The following TRHDE variants were observed in gnomAD, a reference collection of about 807,000 sequenced individuals.
The protein encoded by TRHDE is thyrotropin releasing hormone degrading enzyme.
TRHDE carries 72 observed loss-of-function variants against 125.7 expected under a neutral mutation model. That is an observed-to-expected ratio of 0.57 (90% confidence interval 0.47 to 0.70). TRHDE has a LOEUF of 0.70. Among genes scored for constraint, TRHDE ranks in the 30% least tolerant of loss-of-function variants. The pLI is 0.00. For synonymous variants in TRHDE, 509 were observed against 509.1 expected (o/e 1.00, Z 0.00); for missense variants, 1,110 against 1,327.1 (o/e 0.84, Z 2.54).
intron 15 of TRHDE, among the ~76,000 whole-genome samples, chr12:72,648,662 A>G (rs1874379269): frequency 6.6e-6 from 1 of 152,036 alleles, no homozygotes; most frequent in Admixed American, 6.6e-5. Context: ...AAATAATAAA[A>G]TAGGCTGGGC....
At chr12:72,534,591 A>T (rs534830357) in intron 6 of TRHDE, among the ~76,000 whole-genome samples, 1 of 151,948 alleles carries the variant, frequency 6.6e-6, no homozygotes, top group African/African-American at 2.4e-5. Context: ...GATGATATTG[A>T]TGATGATGAA....
Position 72,186,073 on chromosome 12 carries a change from G to A in TRHDE, n.279+80321G>A, listed in dbSNP as rs184794964. 2.1e-3 allele frequency: 314 copies of A among 152,438 alleles called. 1 individual carries two copies. Among genetic ancestry groups the A allele is most frequent in the Admixed American group, 8.1e-3 (124 of 15,306 alleles). 9.4% of individuals were successfully genotyped at this position (152,438 alleles called of 1,614,324 possible). A position where few individuals can be genotyped will look rare whatever the true frequency, so the allele number is the denominator to read the frequency against. Reference sequence around the variant, plus strand: ...GATAAGAGAATAAAAGTAGGCTGCCGGAGCCAGCATTGACAACCAGTTGGG... The same window carrying A: ...GATAAGAGAATAAAAGTAGGCTGCCAGAGCCAGCATTGACAACCAGTTGGG... On this transcript the variant is annotated intron_variant and non_coding_transcript_variant, in intron 2 of 4. Coordinates refer to the TRHDE transcript ENST00000548156.
chr12:72,467,410 T>C (rs1876431922), intron 3 of TRHDE, among the ~76,000 whole-genome samples: 1 of 152,220 alleles, frequency 6.6e-6, no homozygotes. Context: ...CTTCAACTAT[T>C]TGCTCATATT....
intron 15 of TRHDE, among the ~76,000 whole-genome samples, chr12:72,650,407 T>C (rs1162945880): frequency 6.6e-6 from 1 of 152,160 alleles, no homozygotes; most frequent in Non-Finnish European, 1.5e-5. Context: ...GGCACCAGTA[T>C]AGTATGTGGC....
At chr12:72,348,361 C>T (rs1355383891) in intron 2 of TRHDE, among the ~76,000 whole-genome samples, 4 of 151,980 alleles carry the variant, frequency 2.6e-5, no homozygotes, top group Non-Finnish European at 5.9e-5. Context: ...ATCTCTTCTG[C>T]ATCACCCTGG....
At chr12:72,551,156 GA>G (rs1034093876) in intron 7 of TRHDE, among the ~76,000 whole-genome samples, 23 of 151,922 alleles carry the variant, frequency 1.5e-4, no homozygotes, top group African/African-American at 5.3e-4. Flanking sequence ...TTATTGTTAT[GA>G]AAAAATACGT....
intron 3 of TRHDE, among the ~76,000 whole-genome samples, chr12:72,399,196 T>A (rs866879306): frequency 6.6e-6 from 1 of 152,180 alleles, no homozygotes; most frequent in Non-Finnish European, 1.5e-5. Context: ...TGTGGAAAAA[T>A]TATCTTCCAC....
At chr12:72,520,033 G>GC (rs1430857764) in intron 6 of TRHDE, among the ~76,000 whole-genome samples, 3 of 152,310 alleles carry the variant, frequency 2.0e-5, no homozygotes, top group African/African-American at 7.2e-5. Flanking sequence ...GAGAACCACT[G>GC]CTCTCTTCAA....
Position 72,556,503 on chromosome 12 carries a change from G to T in TRHDE, c.1789-5662G>T, listed in dbSNP as rs552873425. On this transcript the variant is annotated intron_variant, in intron 7 of 18. Transcript: ENST00000261180. ...ACCACAGGACCCTCAGTGTCACCAT[G>T]ACAGGCACTACTCTTTTAGGATTCA... 2.2e-3 allele frequency among the ~76,000 whole-genome samples: 336 copies of T among 152,308 alleles called. 2 individuals carry two copies. Among genetic ancestry groups the T allele is most frequent in the African/African-American group, 7.6e-3 (314 of 41,560 alleles).
intron 2 of TRHDE, among the ~76,000 whole-genome samples, chr12:72,342,612 T>C (rs1477364733): frequency 6.6e-6 from 1 of 152,102 alleles, no homozygotes; most frequent in Non-Finnish European, 1.5e-5. Flanking sequence ...AGAAAAACAT[T>C]GGAGTATAAT....
chr12:72,662,549 T>C (rs1874956220), intron 18 of TRHDE, among the ~76,000 whole-genome samples: 1 of 152,130 alleles, frequency 6.6e-6, no homozygotes, highest in African/African-American at 2.4e-5. Flanking sequence ...ACTTTGGTTA[T>C]TCAATGACAT....
chr12:72,621,221 C>T lies in TRHDE; in HGVS notation c.2567+16C>T. ...ACCAACATGAGTACTGTTTTATTTT[C>T]TTATCCTCTTCTTTACCCCTAGAGC... On this transcript the variant is annotated intron_variant, in intron 14 of 18. Coordinates refer to ENST00000261180, the MANE Select transcript of TRHDE (RefSeq NM_013381.3). 6.6e-7 allele frequency: 1 copy of T among 1,522,794 alleles called. No individual in the cohort carries two copies. The highest frequency in any genetic ancestry group is 1.1e-5 in the South Asian group (1 of 89,030). The allele number at this position is 1,522,794 out of a possible 1,614,324, so 94.3% of individuals were successfully genotyped here. A position where few individuals can be genotyped will look rare whatever the true frequency, so the allele number is the denominator to read the frequency against.
chr12:72,532,379 C>T (rs945621643), intron 6 of TRHDE, among the ~76,000 whole-genome samples: 4 of 151,414 alleles, frequency 2.6e-5, no homozygotes, highest in African/African-American at 7.2e-5. Context: ...AGAACTTTCA[C>T]ATCATCTTTG....
intron 6 of TRHDE, among the ~76,000 whole-genome samples, chr12:72,501,043 G>A (rs1394855430): frequency 6.6e-6 from 1 of 151,360 alleles, no homozygotes; most frequent in African/African-American, 2.4e-5. Flanking sequence ...AGTTCCTTTA[G>A]GTCCCCTTTA....
chr12:72,210,474 A>G (rs1877758160), intron 2 of TRHDE, among the ~76,000 whole-genome samples: 1 of 152,198 alleles, frequency 6.6e-6, no homozygotes, highest in Non-Finnish European at 1.5e-5. Context: ...AAAGATCAGG[A>G]TAACAGCAAT....
At chr12:72,168,433 G>T (rs552576873) in intron 2 of TRHDE, among the ~76,000 whole-genome samples, 12 of 152,304 alleles carry the variant, frequency 7.9e-5, no homozygotes, top group African/African-American at 2.4e-5. Flanking sequence ...GATAGAGGTT[G>T]TATGGTTCTG....
At chr12:72,229,911 C>G (rs2139373549) in intron 2 of TRHDE, among the ~76,000 whole-genome samples, 1 of 152,200 alleles carries the variant, frequency 6.6e-6, no homozygotes. Flanking sequence ...TGTTACAGGT[C>G]AGAATGGACT....
intron 2 of TRHDE, among the ~76,000 whole-genome samples, chr12:72,174,225 C>T (rs766325638): frequency 1.3e-5 from 2 of 152,112 alleles, no homozygotes; most frequent in South Asian, 4.2e-4. Context: ...AGCCAAGTGT[C>T]GTTAGTGTGA....
At chr12:72,109,634 C>CAAAACAAAAT (rs1875271610) in intron 2 of TRHDE, among the ~76,000 whole-genome samples, 1 of 151,878 alleles carries the variant, frequency 6.6e-6, no homozygotes, top group Non-Finnish European at 1.5e-5. Context: ...ATGTTTTAAA[C>CAAAACAAAAT]AAAACAAAAC....
Sources: allele counts gnomAD v4.1 joint callset (sites outside exome capture counted in the v4.1 genomes callset), GRCh38; gene constraint gnomAD v4.1.1; transcripts MANE v1.5; gene names NCBI Gene and HGNC (gene_info 2026-07-23, HGNC 2026-07-21).